ARHGAP42: variants seen among roughly 807,000 people sequenced by gnomAD.
ARHGAP42 encodes Rho GTPase activating protein 42, also known as rho GTPase-activating protein 42.
In ARHGAP42, 63 loss-of-function variants were observed where a neutral mutation model predicts 125.0. The ratio of observed to expected loss-of-function variants is 0.50; its 90% CI spans 0.41 to 0.62. The LOEUF (loss-of-function observed/expected upper bound fraction) is 0.62. ARHGAP42 is among the 20% of genes least tolerant of loss of function. The pLI is 0.00. For missense variants in ARHGAP42, 766 were observed against 1,024.2 expected (o/e 0.75, Z 3.44); for synonymous variants, 339 against 351.0 (o/e 0.97, Z 0.38).
intron 1 of ARHGAP42, among the ~76,000 whole-genome samples, chr11:100,757,460 G>A (rs1171782705): frequency 6.6e-6 from 1 of 152,146 alleles, no homozygotes; most frequent in Admixed American, 6.5e-5. Context: ...ATCCCATCAT[G>A]TGCATGTAAG....
chr11:100,956,061 CT>C lies in ARHGAP42; in HGVS notation c.1163-3821del, dbSNP rs202094396. On this transcript the variant is annotated intron_variant, in intron 12 of 23. Transcript: ENST00000298815. ...AGACCTCAGAAGAAATTGCTGGGTG[CT>C]CAAGTGAAGGCGCTGTCTATAGTTG... 7.3e-3 allele frequency among the ~76,000 whole-genome samples: 1,111 copies of C among 152,234 alleles called. 18 individuals carry two copies. Among genetic ancestry groups the C allele is most frequent in the African/African-American group, 0.025 (1,040 of 41,540 alleles).
chr11:100,930,276 C>G (rs1316727156), intron 6 of ARHGAP42, among the ~76,000 whole-genome samples: 1 of 152,126 alleles, frequency 6.6e-6, no homozygotes, highest in Non-Finnish European at 1.5e-5. Flanking sequence ...TTCAGGCTGT[C>G]CTGTTCAGTT....
chr11:100,841,779 C>A (rs1322399188), intron 3 of ARHGAP42, among the ~76,000 whole-genome samples: 2 of 152,120 alleles, frequency 1.3e-5, no homozygotes, highest in Non-Finnish European at 1.5e-5. Context: ...TTGAGGAGTT[C>A]TTGTAAGTAA....
chr11:100,823,875 A>G (rs575374063), intron 3 of ARHGAP42, among the ~76,000 whole-genome samples: 3 of 152,306 alleles, frequency 2.0e-5, no homozygotes, highest in East Asian at 3.9e-4. Context: ...TCTAATAAAA[A>G]TCATTTTTAC....
At chr11:100,695,048 T>C (rs1344107154) in intron 1 of ARHGAP42, among the ~76,000 whole-genome samples, 1 of 152,122 alleles carries the variant, frequency 6.6e-6, no homozygotes, top group Non-Finnish European at 1.5e-5. Context: ...TAGAAAATAA[T>C]AAAAACACTT....
intron 3 of ARHGAP42, among the ~76,000 whole-genome samples, chr11:100,855,299 A>G (rs535713675): frequency 1.3e-5 from 2 of 152,290 alleles, no homozygotes; most frequent in African/African-American, 4.8e-5. Context: ...GTTGCAAGAT[A>G]ATGGGACATA....
At position 100,837,666 on chromosome 11, in the gene ARHGAP42, C is replaced by CTATTTTTT; in HGVS notation, c.313-21887_313-21886insATTTTTTT. 3.3e-5 allele frequency among the ~76,000 whole-genome samples: 2 copies of CTATTTTTT among 61,042 alleles called. 1 individual carries two copies. The highest frequency in any genetic ancestry group is 3.9e-4 in the Admixed American group (2 of 5,148). The allele number at this position is 61,042 out of a possible 152,430, so 40.0% of individuals were successfully genotyped here. A position where few individuals can be genotyped will look rare whatever the true frequency, so the allele number is the denominator to read the frequency against. On this transcript the variant is annotated intron_variant, in intron 3 of 23. Coordinates refer to ENST00000298815, the MANE Select transcript of ARHGAP42 (RefSeq NM_152432.4). ...CAGTTCCCAGAATCTAGGTGTCATC[C>CTATTTTTT]TTTTTTTTTTTTTTTTTTTTTTTTT...
chr11:100,982,171 G>C (rs1858561238), intron 22 of ARHGAP42, among the ~76,000 whole-genome samples: 1 of 152,210 alleles, frequency 6.6e-6, no homozygotes, highest in South Asian at 2.1e-4. Context: ...GAATGGACAG[G>C]ATGAGAAGGC....
intron 7 of ARHGAP42, among the ~76,000 whole-genome samples, chr11:100,935,655 G>GTC (rs1867715955): frequency 2.4e-5 from 2 of 84,120 alleles, no homozygotes; most frequent in Non-Finnish European, 4.6e-5. Context: ...TAGGAAGAAG[G>GTC]TCACACACAC....
intron 3 of ARHGAP42, among the ~76,000 whole-genome samples, chr11:100,835,234 C>A (rs145046898): frequency 6.6e-6 from 1 of 152,076 alleles, no homozygotes; most frequent in Admixed American, 6.6e-5. Context: ...TTTCAAGAGA[C>A]CTCCAGCATT....
In ARHGAP42 at chr11:100,904,064, C is replaced by T. The variant is rs576893460; in HGVS notation, c.385-9388C>T. ...TGACTCAAATGTTCATCTCTTTTGG[C>T]AATACCCACACAGACAGACCCAGGA... On this transcript the variant is annotated intron_variant, in intron 4 of 23. Coordinates refer to ENST00000298815, the MANE Select transcript of ARHGAP42 (RefSeq NM_152432.4). Among the ~76,000 whole-genome samples the T allele has an allele frequency of 2.6e-5, 4 of 152,114 alleles. No homozygotes were observed. The South Asian group carries it at 8.3e-4, about 32-fold the overall frequency.
intron 3 of ARHGAP42, among the ~76,000 whole-genome samples, chr11:100,819,723 C>T (rs985340219): frequency 2.6e-5 from 4 of 152,014 alleles, no homozygotes; most frequent in African/African-American, 9.7e-5. Flanking sequence ...ACACTGCCTG[C>T]CAGATAAGAG....
chr11:100,841,682 T>C (rs1347801200), intron 3 of ARHGAP42, among the ~76,000 whole-genome samples: 1 of 152,180 alleles, frequency 6.6e-6, no homozygotes, highest in Non-Finnish European at 1.5e-5. Flanking sequence ...TCTTTTCATT[T>C]CATCAATATG....
chr11:100,859,504 G>T (rs1202578078), intron 3 of ARHGAP42, 50 bp from the exon 4 acceptor site: 1 of 1,453,936 alleles, frequency 6.9e-7, no homozygotes, highest in African/African-American at 1.4e-5. Flanking sequence ...TTTCAATGTT[G>T]TTGGCATGAA....
chr11:100,962,388 T>C, intron 15 of ARHGAP42, 21 bp from the exon 16 acceptor site: 4 of 1,545,852 alleles, frequency 2.6e-6, no homozygotes, highest in Non-Finnish European at 3.5e-6. Flanking sequence ...TTCTAACATG[T>C]GTTTCCTTTC....
chr11:100,733,825 G>GAAAAA (rs551074447), intron 1 of ARHGAP42, among the ~76,000 whole-genome samples: 1 of 31,384 alleles, frequency 3.2e-5, no homozygotes, highest in South Asian at 1.8e-3. Context: ...ATTCTGTCTG[G>GAAAAA]AAAAAAAAAA....
intron 1 of ARHGAP42, among the ~76,000 whole-genome samples, chr11:100,741,614 T>C (rs1365412601): frequency 6.6e-6 from 1 of 152,148 alleles, no homozygotes; most frequent in Non-Finnish European, 1.5e-5. Context: ...ATCTAAATTA[T>C]TGGCATACCA....
At chr11:100,779,443 C>T (rs1187490885) in intron 2 of ARHGAP42, among the ~76,000 whole-genome samples, 4 of 64,598 alleles carry the variant, frequency 6.2e-5, no homozygotes, top group African/African-American at 2.2e-4. Flanking sequence ...GAGACTGCGT[C>T]TCAAAAAAAA....
Position 100,770,447 on chromosome 11 carries a change from T to C in ARHGAP42, c.250+9T>C, listed in dbSNP as rs1261935603. On this transcript the variant is annotated intron_variant, in intron 2 of 23. Transcript: ENST00000298815. ...TGATGAAATTAGTATTGGTAAGTAC[T>C]ACTGTTTTAGAAAGTTCTATTACTA... The C allele has an allele frequency of 6.6e-7, 1 of 1,522,660 alleles. No homozygotes were observed. The highest frequency in any genetic ancestry group is 8.9e-7 in the Non-Finnish European group (1 of 1,124,270). The allele number at this position is 1,522,660 out of a possible 1,614,324, so 94.3% of individuals were successfully genotyped here.
Sources: gnomAD v4.1 joint callset for allele counts (sites outside exome capture counted in the v4.1 genomes callset) on GRCh38, gnomAD v4.1.1 for gene constraint, MANE v1.5 for transcripts, NCBI Gene and HGNC (gene_info 2026-07-23, HGNC 2026-07-21) for gene names.